The following VIT variants were observed in gnomAD, a reference collection of about 807,000 sequenced individuals.
VIT encodes the protein vitrin.
Under a neutral mutation model 78.0 loss-of-function variants are expected in VIT, and 99 were observed. The observed-to-expected ratio is 1.27, with a 90% CI of 1.08 to 1.50. The LOEUF (loss-of-function observed/expected upper bound fraction) is 1.50, where lower values mean the gene tolerates loss of function less well. Ranked by LOEUF, VIT falls within the 40% of genes most tolerant of loss-of-function variation. The pLI, the probability that VIT is intolerant of heterozygous loss-of-function variation, is 0.00. For synonymous variants in VIT, 374 were observed against 334.3 expected (o/e 1.12, Z -1.29); for missense variants, 1,126 against 875.3 (o/e 1.29, Z -3.61).
At chr2:36,814,043 A>C in intron 15 of VIT, 140 bp from the exon 16 acceptor site, 5 of 907,634 alleles carry the variant, frequency 5.5e-6, no homozygotes, top group Admixed American at 2.8e-5. Context: ...AGAGGCCTGT[A>C]GCGTATTTTT....
chr2:36,738,743 G>A (rs1017281169), intron 3 of VIT, among the ~76,000 whole-genome samples: 8 of 152,302 alleles, frequency 5.3e-5, no homozygotes, highest in African/African-American at 1.7e-4. Context: ...CTAAGTGTGC[G>A]AGACAACATG....
intron 12 of VIT, among the ~76,000 whole-genome samples, chr2:36,794,147 G>A (rs555465829): frequency 1.2e-4 from 18 of 152,268 alleles, no homozygotes; most frequent in African/African-American, 2.2e-4. Context: ...CCCTTGCAGC[G>A]TAGCCATTTA....
chr2:36,784,278 G>C (rs1664950860), intron 11 of VIT, among the ~76,000 whole-genome samples: 12 of 152,186 alleles, frequency 7.9e-5, no homozygotes, highest in Admixed American at 7.9e-4. Context: ...GCTCAACCTT[G>C]CTGCATATGA....
chr2:36,807,948 A>G (rs1666849973), intron 14 of VIT, among the ~76,000 whole-genome samples: 8 of 152,194 alleles, frequency 5.3e-5, no homozygotes, highest in Admixed American at 4.6e-4. Context: ...AATCATTCCA[A>G]GAGCATCTGA....
intron 15 of VIT, among the ~76,000 whole-genome samples, chr2:36,813,479 T>C (rs1008222530): frequency 2.6e-5 from 4 of 152,180 alleles, no homozygotes; most frequent in South Asian, 4.2e-4. Context: ...ATTGAGCACT[T>C]TTTCATGTTC....
chr2:36,700,865 T>C (rs6544027), intron 1 of VIT, among the ~76,000 whole-genome samples: 125,131 of 151,678 alleles, frequency 0.82, 52,510 homozygotes, highest in Middle Eastern at 0.95. Flanking sequence ...GAGGTGGGCT[T>C]TTACCATCAC....
chr2:36,767,056 T>C, intron 6 of VIT, 38 bp from the exon 7 acceptor site: 1 of 1,531,130 alleles, frequency 6.5e-7, no homozygotes, highest in Non-Finnish European at 8.8e-7. Flanking sequence ...GTGTACAGGT[T>C]ATTTTGTGGG....
chr2:36,728,812 CA>C lies in VIT; in HGVS notation c.53-597del, dbSNP rs768222712. On this transcript the variant is annotated intron_variant, in intron 2 of 15. Transcript: ENST00000379242. ...TGGGCGACAGAGCAAGACTCCGTCTCAAAAAAAAAAAAAAAAAGAAAAAAGA... is the reference window on the plus strand; with the variant it reads ...TGGGCGACAGAGCAAGACTCCGTCTCAAAAAAAAAAAAAAAAGAAAAAAGA... 5.2e-3 allele frequency among the ~76,000 whole-genome samples: 18 copies of C among 3,440 alleles called. 3 individuals are homozygous for C. The highest frequency in any genetic ancestry group is 8.0e-3 in the African/African-American group (16 of 1,988). 2.3% of individuals were successfully genotyped at this position (3,440 alleles called of 152,430 possible).
chr2:36,756,904 T>C (rs1218537465), intron 5 of VIT, among the ~76,000 whole-genome samples: 1 of 152,252 alleles, frequency 6.6e-6, no homozygotes, highest in African/African-American at 2.4e-5. Context: ...AAATTAATTC[T>C]ATGGCAGTAG....
chr2:36,741,196 A>T (rs1334677554), intron 3 of VIT, among the ~76,000 whole-genome samples: 1 of 152,218 alleles, frequency 6.6e-6, no homozygotes, highest in Non-Finnish European at 1.5e-5. Flanking sequence ...TTGAAGAGAG[A>T]CCACACTGGC....
intron 1 of VIT, among the ~76,000 whole-genome samples, chr2:36,703,122 A>C (rs1275874506): frequency 6.6e-6 from 1 of 152,218 alleles, no homozygotes. Flanking sequence ...ACAACTACTC[A>C]GCCACTTCAA....
intron 1 of VIT, among the ~76,000 whole-genome samples, chr2:36,704,663 A>G (rs1288095596): frequency 6.6e-6 from 1 of 152,062 alleles, no homozygotes; most frequent in African/African-American, 2.4e-5. Flanking sequence ...ACAGCCCTCA[A>G]TTCCTGAGCC....
chr2:36,804,959 C>T (rs1049089202), intron 13 of VIT, among the ~76,000 whole-genome samples: 5 of 152,046 alleles, frequency 3.3e-5, no homozygotes, highest in African/African-American at 4.8e-5. Context: ...ACATTGTGAA[C>T]GTACTTAATG....
Position 36,716,437 on chromosome 2 carries a change from ATG to A in VIT, c.52+19_52+20del. On this transcript the variant is annotated intron_variant, in intron 2 of 15. Coordinates refer to ENST00000379242, the MANE Select transcript of VIT (RefSeq NM_053276.4). ...AATGTTCCTTGGTAAGTACTTTTAT[ATG>A]TGTATCTGGATACCCTTTTAAAATT... 6.2e-7 allele frequency: 1 copy of A among 1,612,992 alleles called. No individual in the cohort carries two copies. Among genetic ancestry groups the A allele is most frequent in the Non-Finnish European group, 8.5e-7 (1 of 1,179,328 alleles).
rs1327056798 is a variant in VIT at position 36,810,570 on chromosome 2, A to G, written c.1903+1585A>G. Among the ~76,000 whole-genome samples the G allele has an allele frequency of 5.3e-5, 8 of 152,284 alleles. No homozygotes were observed. In the South Asian group the frequency reaches 6.2e-4, roughly 12 times the overall value. ...GTCAATGAACACCAATGCCCTGTAG[A>G]CAAATATGAATATACACAACTCACT... is the stretch of plus-strand genomic sequence containing the variant. On this transcript the variant is annotated intron_variant, in intron 15 of 15. Transcript: ENST00000379242.
chr2:36,777,830 G>A (rs898376360), intron 9 of VIT, among the ~76,000 whole-genome samples: 1 of 152,158 alleles, frequency 6.6e-6, no homozygotes, highest in Non-Finnish European at 1.5e-5. Flanking sequence ...CTGGAAAATG[G>A]ATAAACGTGC....
intron 6 of VIT, among the ~76,000 whole-genome samples, chr2:36,766,656 G>A (rs141044717): frequency 1.4e-4 from 21 of 152,186 alleles, no homozygotes; most frequent in Admixed American, 2.6e-4. Context: ...CTAAACCAGC[G>A]CATCTAAAAC....
intron 6 of VIT, among the ~76,000 whole-genome samples, chr2:36,763,280 T>TG (rs1204796725): frequency 1.3e-5 from 2 of 152,044 alleles, no homozygotes; most frequent in Non-Finnish European, 2.9e-5. Flanking sequence ...GGGAGTGGTG[T>TG]GGCACCACCT....
intron 15 of VIT, among the ~76,000 whole-genome samples, chr2:36,812,987 G>A (rs1338057202): frequency 2.8e-5 from 4 of 141,850 alleles, no homozygotes; most frequent in African/African-American, 5.4e-5. Flanking sequence ...TCAGCCTCCC[G>A]AGTAGCTGGG....
Sources: gnomAD v4.1 joint callset for allele counts (sites outside exome capture counted in the v4.1 genomes callset) on GRCh38, gnomAD v4.1.1 for gene constraint, MANE v1.5 for transcripts, NCBI Gene and HGNC (gene_info 2026-07-23, HGNC 2026-07-21) for gene names.